The following GPHN variants were observed in gnomAD, a reference collection of about 807,000 sequenced individuals.
The protein encoded by GPHN is gephyrin.
GPHN carries 17 observed loss-of-function variants against 95.5 expected under a neutral mutation model. That is an observed-to-expected ratio of 0.18 (90% CI 0.12 to 0.27). The LOEUF is 0.27. GPHN is among the 10% of genes least tolerant of loss of function. GPHN has a pLI of 1.00. For missense variants in GPHN, 660 were observed against 978.1 expected, an observed-to-expected ratio of 0.67 and a Z score of 4.34; for synonymous variants, 320 against 322.5, an observed-to-expected ratio of 0.99 and a Z score of 0.08.
At chr14:66,866,501 T>C (rs1344379782) in intron 4 of GPHN, among the ~76,000 whole-genome samples, 3 of 152,172 alleles carry the variant, frequency 2.0e-5, no homozygotes, top group Non-Finnish European at 4.4e-5. Context: ...AGTTTTATGG[T>C]TAGATAATTT....
At chr14:66,553,299 C>G (rs973013775) in intron 1 of GPHN, among the ~76,000 whole-genome samples, 2 of 152,208 alleles carry the variant, frequency 1.3e-5, no homozygotes, top group South Asian at 2.1e-4. Context: ...CCCTAAACTT[C>G]TTAAAAGTTG....
chr14:67,575,599 G>A, the GPHN span: 1 of 756,748 alleles, frequency 1.3e-6, no homozygotes, highest in Non-Finnish European at 2.3e-6. Context: ...CAGTTGGCTG[G>A]ATCCCTCCAG....
At chr14:67,316,700 G>A in the GPHN span, 25 of 625,144 alleles carry the variant, frequency 4.0e-5, 1 homozygote, top group South Asian at 5.6e-4. Context: ...CATTACTCCT[G>A]TGTTGGCAAA....
the GPHN span, chr14:67,619,666 T>TA: frequency 3.9e-6 from 1 of 256,274 alleles, no homozygotes; most frequent in Non-Finnish European, 7.5e-6. Context: ...ACCGCGCTCT[T>TA]ACTGGCCAGA....
intron 1 of GPHN, among the ~76,000 whole-genome samples, chr14:66,661,944 C>T (rs1251118755): frequency 1.3e-5 from 2 of 152,168 alleles, no homozygotes; most frequent in African/African-American, 4.8e-5. Flanking sequence ...TCTATTCCTC[C>T]TTGCAGGGCG....
chr14:67,029,014 TTAATC>T (rs1435847120), intron 10 of GPHN, among the ~76,000 whole-genome samples: 1 of 152,210 alleles, frequency 6.6e-6, no homozygotes, highest in Admixed American at 6.5e-5. Context: ...GTTTAAGTAT[TTAATC>T]TATTTTCAGG....
At chr14:66,868,469 C>A (rs138469696) in intron 4 of GPHN, among the ~76,000 whole-genome samples, 1,830 of 152,208 alleles carry the variant, frequency 0.012, 19 homozygotes, top group Non-Finnish European at 0.018. Context: ...TTTCGGCTCA[C>A]TGCAGCCTCT....
At position 67,100,091 on chromosome 14, in the gene GPHN, CA is replaced by C. The variant is rs1288677470; in HGVS notation, c.1238-763del. ...ATCCCAATTATGGAATTTTTTTTTT[CA>C]ATTTAAAAATAAATAGCCAATGGAA... is the stretch of plus-strand genomic sequence containing the variant. On this transcript the variant is annotated intron_variant, in intron 12 of 22. Transcript: ENST00000478722. Among the ~76,000 whole-genome samples, 6 of 150,012 alleles carry C rather than the reference CA, an allele frequency of 4.0e-5. No homozygotes were observed. In the East Asian group the frequency reaches 9.7e-4, roughly 24 times the overall value.
chr14:67,590,003 G>T, the GPHN span: 1 of 1,475,976 alleles, frequency 6.8e-7, no homozygotes, highest in Non-Finnish European at 9.0e-7. Context: ...TGATGGTTTG[G>T]AGTACGGAAA....
intron 2 of GPHN, among the ~76,000 whole-genome samples, chr14:66,720,206 A>G (rs760162273): frequency 1.4e-4 from 21 of 152,170 alleles, no homozygotes; most frequent in Non-Finnish European, 2.5e-4. Context: ...TACATTTTCA[A>G]TTGTCTAAAG....
chr14:66,967,902 G>C (rs758040634), intron 9 of GPHN, among the ~76,000 whole-genome samples: 2 of 151,784 alleles, frequency 1.3e-5, no homozygotes, highest in African/African-American at 4.8e-5. Flanking sequence ...GCTATGTGGA[G>C]GTTTTAGGAA....
At chr14:66,782,889 G>A (rs2153464699) in intron 3 of GPHN, among the ~76,000 whole-genome samples, 1 of 152,086 alleles carries the variant, frequency 6.6e-6, no homozygotes, top group Admixed American at 6.6e-5. Context: ...TCTGAAAGAT[G>A]GAAAGAAGAA....
chr14:66,948,364 CAT>C (rs1015767821), intron 8 of GPHN, among the ~76,000 whole-genome samples: 5 of 151,966 alleles, frequency 3.3e-5, no homozygotes, highest in Admixed American at 6.6e-5. Flanking sequence ...AGTCATACTT[CAT>C]ATGTTTGCCA....
the GPHN span, among the ~76,000 whole-genome samples, chr14:67,416,180 T>A: frequency 6.6e-6 from 1 of 152,230 alleles, no homozygotes; most frequent in African/African-American, 2.4e-5. Context: ...ATTTGCTTAT[T>A]TATTTTTTAT....
At chr14:66,837,984 T>C (rs2061922192) in intron 4 of GPHN, among the ~76,000 whole-genome samples, 1 of 152,024 alleles carries the variant, frequency 6.6e-6, no homozygotes, top group Non-Finnish European at 1.5e-5. Context: ...ACTAGAAAAA[T>C]AGTGTTGCCC....
intron 2 of GPHN, among the ~76,000 whole-genome samples, chr14:66,690,115 C>T (rs1241617839): frequency 1.3e-5 from 2 of 151,208 alleles, no homozygotes; most frequent in Non-Finnish European, 3.0e-5. Flanking sequence ...TTTCTTGTTC[C>T]TTAAGTTAGC....
the GPHN span, chr14:67,729,485 A>G: frequency 8.5e-7 from 1 of 1,179,034 alleles, no homozygotes; most frequent in African/African-American, 1.5e-5. Flanking sequence ...TGATGATGCA[A>G]TCCAGGTTTG....
At chr14:66,676,888 T>C (rs1412810995) in intron 1 of GPHN, among the ~76,000 whole-genome samples, 3 of 151,940 alleles carry the variant, frequency 2.0e-5, no homozygotes, top group Admixed American at 6.6e-5. Context: ...TTCAGCAAAA[T>C]AGATGTTCTT....
the GPHN span, among the ~76,000 whole-genome samples, chr14:67,510,272 A>C: frequency 6.6e-6 from 1 of 152,246 alleles, no homozygotes; most frequent in South Asian, 2.1e-4. Context: ...TATTTGTGGA[A>C]TTAAGTCTCA....
Sources: gnomAD v4.1 joint callset for allele counts (sites outside exome capture counted in the v4.1 genomes callset) on GRCh38, gnomAD v4.1.1 for gene constraint, MANE v1.5 for transcripts, NCBI Gene and HGNC (gene_info 2026-07-23, HGNC 2026-07-21) for gene names.